ZNF180: variants seen among roughly 807,000 people sequenced by gnomAD.
ZNF180 encodes zinc finger protein 180 (HHZ168).
ZNF180 carries 11 observed loss-of-function variants against 11.8 expected under a neutral mutation model. The observed-to-expected ratio is 0.93, with a 90% confidence interval of 0.59 to 1.55. The LOEUF is 1.55. Among genes scored for constraint, ZNF180 ranks in the 40% most tolerant of loss-of-function variants. The pLI, the probability that ZNF180 is intolerant of heterozygous loss-of-function variation, is 0.00. For synonymous variants in ZNF180, 287 were observed against 257.7 expected, an observed-to-expected ratio of 1.11 and a Z score of -1.09; for missense variants, 773 against 781.7, an observed-to-expected ratio of 0.99 and a Z score of 0.13.
chr19:44,488,690 T>C (rs1458084748), intron 2 of ZNF180, among the ~76,000 whole-genome samples: 2 of 151,836 alleles, frequency 1.3e-5, no homozygotes, highest in Non-Finnish European at 2.9e-5. Flanking sequence ...TGCCACCCCG[T>C]CTGGGAAGTG....
chr19:44,479,775 T>C (rs1970030095), intron 3 of ZNF180, among the ~76,000 whole-genome samples: 1 of 152,228 alleles, frequency 6.6e-6, no homozygotes, highest in African/African-American at 2.4e-5. Context: ...GGGTGGTTGA[T>C]TTTTTTCTGT....
rs756161136 is a variant in ZNF180 at position 44,476,760 on chromosome 19, TC to T, written c.1639del (p.Glu547LysfsTer71). On this transcript the variant is annotated frameshift_variant, in exon 5 of 5. Coordinates refer to ENST00000592529, the MANE Select transcript of ZNF180 (RefSeq NM_001278509.3). LOFTEE classifies it low-confidence loss of function (END_TRUNC). The part of the protein sequence containing the change: ...LVMHQRIHTG[E>X]KPYECNQCGK... ...ACACTGATTACATTCATACGGTTTT[TC>T]CCCAGTGTGAATTCTCTGATGCATA... 18 of 1,614,048 alleles carry T rather than the reference TC, an allele frequency of 1.1e-5. No individual in the cohort carries two copies. In the Admixed American group the frequency reaches 2.5e-4, roughly 22 times the overall value.
At chr19:44,489,385 T>G (rs1362596235) in intron 2 of ZNF180, among the ~76,000 whole-genome samples, 4 of 143,646 alleles carry the variant, frequency 2.8e-5, no homozygotes, top group Admixed American at 1.4e-4. Flanking sequence ...TTCATTTTGT[T>G]CTGTACTAAG....
At chr19:44,486,967 C>A (rs551724098) in intron 2 of ZNF180, among the ~76,000 whole-genome samples, 1 of 151,852 alleles carries the variant, frequency 6.6e-6, no homozygotes, top group Non-Finnish European at 1.5e-5. Flanking sequence ...TCACCTGAAC[C>A]GGAAGTTGGA....
At chr19:44,489,832 A>AAGAAG (rs782510783) in intron 2 of ZNF180, among the ~76,000 whole-genome samples, 1 of 138,380 alleles carries the variant, frequency 7.2e-6, no homozygotes, top group African/African-American at 2.7e-5. Context: ...AAAGAAAGAA[A>AAGAAG]AGAAGAGAAG....
intron 1 of ZNF180, among the ~76,000 whole-genome samples, 185 bp from the exon 2 acceptor site, chr19:44,497,562 C>G (rs1391377127): frequency 6.6e-6 from 1 of 152,110 alleles, no homozygotes; most frequent in Non-Finnish European, 1.5e-5. Flanking sequence ...AGTCCCTCTC[C>G]CAGGTCAAGT....
At chr19:44,490,015 G>GA (rs1338106420) in intron 2 of ZNF180, among the ~76,000 whole-genome samples, 6 of 107,232 alleles carry the variant, frequency 5.6e-5, no homozygotes, top group East Asian at 4.5e-4. Context: ...GAAAAGAAAA[G>GA]AAAGAAAAAG....
rs751518663 is a variant in ZNF180 at position 44,476,453 on chromosome 19, A to C, written c.1947T>G (p.Leu649=). ...CAGTATGAGTTGCCTGATGCCTAAT[A>C]AGTTTATAGCTATTAATGAAAGCTT... ...CGKAFINSYK[L]IRHQATHTEE... is the part of the protein sequence containing the mutation. The change falls in exon 5 of 5, where the codon CTT becomes CTG. Residue 649 remains leucine (L), a synonymous_variant. Transcript: ENST00000592529. The C allele has an allele frequency of 1.7e-5, 28 of 1,611,544 alleles. No homozygotes were observed. The East Asian group carries it at 6.2e-4, about 36-fold the overall frequency.
chr19:44,478,957 T>C lies in ZNF180; in HGVS notation c.253+326A>G, dbSNP rs111483883. ...TTTATATTCTTTCCCTTGCTCCAAC[T>C]AGGAGATTGTATCTGCTTCAAAAAG... On this transcript the variant is annotated intron_variant, in intron 4 of 4. Transcript: ENST00000592529. Among the ~76,000 whole-genome samples the C allele has an allele frequency of 2.1e-3, 314 of 152,264 alleles. 1 individual carries two copies. The highest frequency in any genetic ancestry group is 7.1e-3 in the African/African-American group (296 of 41,546).
At chr19:44,483,428 A>G (rs1338775486) in intron 3 of ZNF180, among the ~76,000 whole-genome samples, 1 of 152,230 alleles carries the variant, frequency 6.6e-6, no homozygotes, top group African/African-American at 2.4e-5. Flanking sequence ...ACAAATTGCC[A>G]CTGCAGGGAA....
chr19:44,476,177 G>A lies in ZNF180; in HGVS notation c.*225C>T. The A allele has an allele frequency of 2.3e-6, 1 of 430,210 alleles. No homozygotes were observed. The highest frequency in any genetic ancestry group is 4.1e-6 in the Non-Finnish European group (1 of 245,334). 26.6% of individuals were successfully genotyped at this position (430,210 alleles called of 1,614,324 possible). A position where few individuals can be genotyped will look rare whatever the true frequency, so the allele number is the denominator to read the frequency against. ...TTATTTTCATAGGAATATGTCATAAGAATCAAGTTTAACATTGTATATGGA... is the reference window on the plus strand; with the variant it reads ...TTATTTTCATAGGAATATGTCATAAAAATCAAGTTTAACATTGTATATGGA... On this transcript the variant is annotated 3_prime_UTR_variant, in exon 5 of 5. Coordinates refer to ENST00000592529, the MANE Select transcript of ZNF180 (RefSeq NM_001278509.3).
chr19:44,494,674 T>TA (rs541175564), intron 2 of ZNF180, among the ~76,000 whole-genome samples: 1 of 152,026 alleles, frequency 6.6e-6, no homozygotes, highest in Non-Finnish European at 1.5e-5. Flanking sequence ...CCCTGTCTCT[T>TA]AAAAAACAAC....
chr19:44,492,184 C>G (rs1006867236), intron 2 of ZNF180, among the ~76,000 whole-genome samples: 1 of 152,128 alleles, frequency 6.6e-6, no homozygotes, highest in Admixed American at 6.5e-5. Flanking sequence ...TTCTATATAC[C>G]TCTCCCCTGG....
chr19:44,478,803 C>T (rs934941913), intron 4 of ZNF180, among the ~76,000 whole-genome samples: 2 of 152,120 alleles, frequency 1.3e-5, no homozygotes, highest in African/African-American at 4.8e-5. Context: ...GTATACAGTC[C>T]ACCAGGAGGT....
At chr19:44,489,987 G>A (rs1453691715) in intron 2 of ZNF180, among the ~76,000 whole-genome samples, 1 of 92,246 alleles carries the variant, frequency 1.1e-5, no homozygotes, top group African/African-American at 5.0e-5. Context: ...AAGAAAGAAA[G>A]AAAAAGCAAG....
chr19:44,497,322 C>T lies in ZNF180; in HGVS notation c.13G>A (p.Asp5Asn). Residue 5 changes from aspartate to asparagine, a missense_variant, in exon 2 of 5, where the codon GAT becomes AAT. Asp to Asn is a conservative substitution (Grantham distance 23). Coordinates refer to ENST00000592529, the MANE Select transcript of ZNF180 (RefSeq NM_001278509.3). Reference protein sequence around the residue: MEEQDEKPPEPPKVC... With the variant: MEEQNEKPPEPPKVC... ...TTCGGGGGCTCTGGGGGCTTCTCAT[C>T]CTGCTCTTCCATGCTCTCCTCCAGG... is the stretch of plus-strand genomic sequence containing the variant. 2.5e-6 allele frequency: 4 copies of T among 1,597,148 alleles called. No homozygotes were observed. Among genetic ancestry groups the T allele is most frequent in the Non-Finnish European group, 2.6e-6 (3 of 1,174,510 alleles).
intron 2 of ZNF180, among the ~76,000 whole-genome samples, chr19:44,486,781 C>G (rs1393511559): frequency 6.6e-6 from 1 of 152,138 alleles, no homozygotes; most frequent in Non-Finnish European, 1.5e-5. Context: ...TGGCTCACAC[C>G]TGTAATTCTA....
Position 44,476,704 on chromosome 19 carries a change from C to G in ZNF180, c.1696G>C (p.Val566Leu), listed in dbSNP as rs377328729. 5 of 1,614,162 alleles carry G rather than the reference C, an allele frequency of 3.1e-6. No homozygotes were observed. The highest frequency in any genetic ancestry group is 1.1e-5 in the South Asian group (1 of 91,088). The change falls in exon 5 of 5, where the codon GTT (valine) becomes CTT (leucine). Residue 566 changes from valine to leucine, a missense_variant. Coordinates refer to ENST00000592529, the MANE Select transcript of ZNF180 (RefSeq NM_001278509.3). The part of the protein sequence containing the change: ...GKSFSQSYVL[V>L]VHQRTHTGEK... ...CCAGTATGAGTTCTCTGATGTACAA[C>G]AAGAACATAACTCTGGCTGAAGGAT... is the stretch of plus-strand genomic sequence containing the variant.
At position 44,475,462 on chromosome 19, in the gene ZNF180, T is replaced by C. The variant is rs531167325; in HGVS notation, c.*940A>G. 1.5e-4 allele frequency: 23 copies of C among 151,942 alleles called. No individual in the cohort carries two copies. In the East Asian group the frequency reaches 4.4e-3, roughly 29 times the overall value. 9.4% of individuals were successfully genotyped at this position (151,942 alleles called of 1,614,324 possible). ...AACCATTTCTGGCCAAAATTTCTAGTTACCTATTTCCAGGAATCCATTTTA... is the reference window on the plus strand; with the variant it reads ...AACCATTTCTGGCCAAAATTTCTAGCTACCTATTTCCAGGAATCCATTTTA... On this transcript the variant is annotated 3_prime_UTR_variant, in exon 5 of 5. Coordinates refer to ENST00000592529, the MANE Select transcript of ZNF180 (RefSeq NM_001278509.3).
Sources: allele counts gnomAD v4.1 joint callset (sites outside exome capture counted in the v4.1 genomes callset), GRCh38; gene constraint gnomAD v4.1.1; transcripts MANE v1.5; gene names NCBI Gene and HGNC (gene_info 2026-07-23, HGNC 2026-07-21).